The following MUC5AC variants were observed in gnomAD, a reference collection of about 807,000 sequenced individuals.
MUC5AC encodes the protein mucin-5AC.
Under a neutral mutation model 169.7 loss-of-function variants are expected in MUC5AC, and 158 were observed. The ratio of observed to expected loss-of-function variants is 0.93; its 90% CI spans 0.82 to 1.06. MUC5AC has a LOEUF of 1.06. Among genes scored for constraint, MUC5AC ranks in the 50% least tolerant of loss-of-function variants. The pLI, the probability that MUC5AC is intolerant of heterozygous loss-of-function variation, is 0.00. For synonymous variants in MUC5AC, 1,975 were observed against 1,237.0 expected, an observed-to-expected ratio of 1.60 and a Z score of -12.52; for missense variants, 4,359 against 3,089.9, an observed-to-expected ratio of 1.41 and a Z score of -9.74.
chr11:1,162,863 G>T, intron 5 of MUC5AC, 92 bp from the exon 6 acceptor site: 1 of 1,317,668 alleles, frequency 7.6e-7, no homozygotes, highest in South Asian at 1.2e-5. Context: ...TCTTCCGTGG[G>T]CCTCGGCCCC....
intron 30 of MUC5AC, 57 bp from the exon 31 acceptor site, chr11:1,182,098 C>CG (rs1423126647): frequency 1 from 398,367 of 398,500 alleles, 199,117 homozygotes; most frequent in Middle Eastern, 1. Context: ...CAGGGAGGGG[C>CG]GGGCGGCCCC....
rs376249704 is a variant in MUC5AC, at chr11:1,198,316, C to T, written c.16173+11C>T. On this transcript the variant is annotated intron_variant, in intron 43 of 48. Transcript: ENST00000621226. ...GGGACCCTGTACCAGGTAAGAGCCA[C>T]GGAGCTCAGACCCCCTCAGCCATAG... The T allele has an allele frequency of 2.0e-5, 15 of 746,296 alleles. No homozygotes were observed. The highest frequency in any genetic ancestry group is 1.0e-4 in the African/African-American group (6 of 58,678). 46.2% of individuals were successfully genotyped at this position (746,296 alleles called of 1,614,324 possible). A position where few individuals can be genotyped will look rare whatever the true frequency, so the allele number is the denominator to read the frequency against.
Position 1,198,860 on chromosome 11 carries a change from C to T in MUC5AC, c.16174-14C>T. ...CCCAAGCTCATGAGTGTCTGCTGCC[C>T]TGGCTCTCCCCAGCCCGGCGCCGTG... On this transcript the variant is annotated splice_polypyrimidine_tract_variant and intron_variant, in intron 43 of 48. Coordinates refer to ENST00000621226, the MANE Select transcript of MUC5AC (RefSeq NM_001304359.2). The T allele has an allele frequency of 1.4e-6, 1 of 726,554 alleles. No individual in the cohort carries two copies. Among genetic ancestry groups the T allele is most frequent in the Non-Finnish European group, 2.5e-6 (1 of 399,240 alleles). 45.0% of individuals were successfully genotyped at this position (726,554 alleles called of 1,614,324 possible). A position where few individuals can be genotyped will look rare whatever the true frequency, so the allele number is the denominator to read the frequency against.
rs1860680486 is a variant in MUC5AC, at chr11:1,176,146, C to T, written c.2402-5C>T. On this transcript the variant is annotated splice_region_variant and splice_polypyrimidine_tract_variant and intron_variant, in intron 19 of 48. Coordinates refer to ENST00000621226, the MANE Select transcript of MUC5AC (RefSeq NM_001304359.2). ...CTGGCCCCCTGACGGCCCCTCCCTC[C>T]CCAGTGTGTGCTGCGCCCATGGTGT... is the stretch of plus-strand genomic sequence containing the variant. The T allele has an allele frequency of 5.5e-5, 22 of 398,716 alleles. No individual in the cohort carries two copies. The South Asian group carries it at 2.5e-3, about 46-fold the overall frequency. The allele number at this position is 398,716 out of a possible 1,614,324, so 24.7% of individuals were successfully genotyped here. A position where few individuals can be genotyped will look rare whatever the true frequency, so the allele number is the denominator to read the frequency against.
chr11:1,192,145 G>A lies in MUC5AC; in HGVS notation c.14000G>A (p.Arg4667Gln), dbSNP rs1322903006. Reference sequence around the variant, plus strand: ...AGGAGTGGGGAAAAAATCTGCCGCCGACCTGAGGAGATCACCAGGCTCCAG... The same window carrying A: ...AGGAGTGGGGAAAAAATCTGCCGCCAACCTGAGGAGATCACCAGGCTCCAG... ...IIRSGEKICR[R>Q]PEEITRLQCR... Residue 4667 changes from arginine (R) to glutamine (Q), a missense_variant, in exon 31 of 49, where the codon CGA becomes CAA. Arg to Gln is a conservative substitution (Grantham distance 43). Transcript: ENST00000621226. 9.2e-6 allele frequency: 7 copies of A among 764,976 alleles called. No homozygotes were observed. Among genetic ancestry groups the A allele is most frequent in the East Asian group, 7.3e-5 (3 of 41,266 alleles). 47.4% of individuals were successfully genotyped at this position (764,976 alleles called of 1,614,324 possible).
rs775015439 is a variant in MUC5AC at position 1,191,874 on chromosome 11, A to G, written c.13729A>G (p.Thr4577Ala). 4 of 762,956 alleles carry G rather than the reference A, an allele frequency of 5.2e-6. No individual in the cohort carries two copies. Among genetic ancestry groups the G allele is most frequent in the East Asian group, 2.4e-5 (1 of 41,176 alleles). 47.3% of individuals were successfully genotyped at this position (762,956 alleles called of 1,614,324 possible). Residue 4577 changes from threonine to alanine, a missense_variant, in exon 31 of 49, where the codon ACA becomes GCA. By Grantham distance (58) the Thr-to-Ala change is moderately conservative. Coordinates refer to ENST00000621226, the MANE Select transcript of MUC5AC (RefSeq NM_001304359.2). Reference sequence around the variant, plus strand: ...TCCCAGCCCTGTTCCCACCACCAGCACAACCTCTGCTCCTACAACCAGCAC... The same window carrying G: ...TCCCAGCCCTGTTCCCACCACCAGCGCAACCTCTGCTCCTACAACCAGCAC... ...TTPSPVPTTS[T>A]TSAPTTSTTS...
chr11:1,190,800 T>G lies in MUC5AC; in HGVS notation c.12655T>G (p.Ser4219Ala). The G allele has an allele frequency of 1.4e-6, 1 of 722,832 alleles. No individual in the cohort carries two copies. Among genetic ancestry groups the G allele is most frequent in the South Asian group, 1.4e-5 (1 of 69,026 alleles). 44.8% of individuals were successfully genotyped at this position (722,832 alleles called of 1,614,324 possible). The change falls in exon 31 of 49, where the codon TCC (serine) becomes GCC (alanine). Residue 4219 changes from serine (S) to alanine (A), a missense_variant. Transcript: ENST00000621226. ...KTSAATSSTTSGSGTTPSPVP... is the reference protein window; with the variant it reads ...KTSAATSSTTAGSGTTPSPVP... ...CTCAGCTGCTACAAGCAGCACAACC[T>G]CCGGTTCTGGAACTACTCCAAGCCC...
rs1408065220 is a variant in MUC5AC, at chr11:1,188,869, C to T, written c.10724C>T (p.Pro3575Leu). Reference sequence around the variant, plus strand: ...CTCCAGTGCCGAGCCAAGAGCCACCCGGAGGTGAGCATCGAACACCTGGGC... The same window carrying T: ...CTCCAGTGCCGAGCCAAGAGCCACCTGGAGGTGAGCATCGAACACCTGGGC... ...TRLQCRAKSHPEVSIEHLGQV... is the reference protein window; with the variant it reads ...TRLQCRAKSHLEVSIEHLGQV... Residue 3575 changes from proline to leucine, a missense_variant, in exon 31 of 49, where the codon CCG (proline) becomes CTG (leucine). Coordinates refer to ENST00000621226, the MANE Select transcript of MUC5AC (RefSeq NM_001304359.2). The T allele has an allele frequency of 6.3e-5, 48 of 763,536 alleles. No individual in the cohort carries two copies. The highest frequency in any genetic ancestry group is 8.5e-5 in the Admixed American group (5 of 58,938). 47.3% of individuals were successfully genotyped at this position (763,536 alleles called of 1,614,324 possible).
At position 1,197,563 on chromosome 11, in the gene MUC5AC, T is replaced by C; in HGVS notation, c.15957T>C (p.Pro5319=). The change falls in exon 41 of 49, where the codon CCT becomes CCC. Residue 5319 remains proline, a synonymous_variant. Coordinates refer to ENST00000621226, the MANE Select transcript of MUC5AC (RefSeq NM_001304359.2). ...GACCCAAGCTCTGCCCGCTGCCCCC[T>C]GCCTGCCCCCTGCCCGGCTTCGTGC... ...TCRPKLCPLP[P]ACPLPGFVPV... 1 of 716,960 alleles carries C rather than the reference T, an allele frequency of 1.4e-6. No homozygotes were observed. Among genetic ancestry groups the C allele is most frequent in the Non-Finnish European group, 2.5e-6 (1 of 394,410 alleles). 44.4% of individuals were successfully genotyped at this position (716,960 alleles called of 1,614,324 possible).
intron 40 of MUC5AC, 32 bp from the exon 41 acceptor site, chr11:1,197,436 C>G (rs766192789): frequency 2.9e-6 from 2 of 699,680 alleles, no homozygotes; most frequent in Non-Finnish European, 2.6e-6. Context: ...GGAGCCGCTG[C>G]GGACGCTGGA....
At position 1,199,761 on chromosome 11, in the gene MUC5AC, A is replaced by G; in HGVS notation, c.16582A>G (p.Asn5528Asp). 1.4e-6 allele frequency: 1 copy of G among 716,032 alleles called. No individual in the cohort carries two copies. Among genetic ancestry groups the G allele is most frequent in the Non-Finnish European group, 2.5e-6 (1 of 392,912 alleles). The allele number at this position is 716,032 out of a possible 1,614,324, so 44.4% of individuals were successfully genotyped here. A position where few individuals can be genotyped will look rare whatever the true frequency, so the allele number is the denominator to read the frequency against. The change falls in exon 47 of 49, where the codon AAC (asparagine) becomes GAC (aspartate). Residue 5528 changes from asparagine (N) to aspartate (D), a missense_variant. Physicochemically the swap from Asn to Asp is conservative, Grantham distance 23. Coordinates refer to ENST00000621226, the MANE Select transcript of MUC5AC (RefSeq NM_001304359.2). The part of the protein sequence containing the change: ...FCPPPPPPYQ[N>D]QSTCAVYHRS... Reference sequence around the variant, plus strand: ...CCCGCCGCCCCCGCCCCCGTACCAGAACCGTGAGTACCCAGCCTGCTGGGC... The same window carrying G: ...CCCGCCGCCCCCGCCCCCGTACCAGGACCGTGAGTACCCAGCCTGCTGGGC...
At chr11:1,198,845 T>C (rs766140336) in intron 43 of MUC5AC, 29 bp from the exon 44 acceptor site, 3 of 711,630 alleles carry the variant, frequency 4.2e-6, no homozygotes, top group Non-Finnish European at 7.7e-6. Flanking sequence ...CCCAAGCTCA[T>C]GAGTGTCTGC....
chr11:1,187,867 C>T lies in MUC5AC; in HGVS notation c.9722C>T (p.Pro3241Leu). ...GACATAGACTTCCCATCCCCTGGAC[C>T]CCACGGCGGGGACAAGGAAACCTAC... ...WFDIDFPSPG[P>L]HGGDKETYNN... is the part of the protein sequence containing the mutation. The change falls in exon 31 of 49, where the codon CCC becomes CTC. Residue 3241 changes from proline to leucine, a missense_variant. Physicochemically the swap from Pro to Leu is moderately conservative, Grantham distance 98. Coordinates refer to ENST00000621226, the MANE Select transcript of MUC5AC (RefSeq NM_001304359.2). 1.3e-6 allele frequency: 1 copy of T among 763,132 alleles called. No homozygotes were observed. The allele number at this position is 763,132 out of a possible 1,614,324, so 47.3% of individuals were successfully genotyped here.
chr11:1,194,875 G>T lies in MUC5AC; in HGVS notation c.15191-137G>T, dbSNP rs1329101237. The T allele has an allele frequency of 6.5e-6, 4 of 618,324 alleles. No homozygotes were observed. The East Asian group carries it at 1.1e-4, about 17-fold the overall frequency. 38.3% of individuals were successfully genotyped at this position (618,324 alleles called of 1,614,324 possible). A position where few individuals can be genotyped will look rare whatever the true frequency, so the allele number is the denominator to read the frequency against. ...GGACTGTCCCAGGGTTGTTCTCGGG[G>T]GACAGTGAGGCACAGGCAGGGCCCG... On this transcript the variant is annotated intron_variant, in intron 35 of 48. Transcript: ENST00000621226.
intron 1 of MUC5AC, among the ~76,000 whole-genome samples, chr11:1,160,213 C>G (rs961393453): frequency 1.3e-5 from 2 of 152,140 alleles, no homozygotes; most frequent in African/African-American, 2.4e-5. Context: ...GGGGCCGACC[C>G]CTCCCATGCC....
In MUC5AC at chr11:1,164,480, G is replaced by C; in HGVS notation, c.1077G>C (p.Glu359Asp). 6.2e-7 allele frequency: 1 copy of C among 1,611,872 alleles called. No individual in the cohort carries two copies. Among genetic ancestry groups the C allele is most frequent in the Non-Finnish European group, 8.5e-7 (1 of 1,179,560 alleles). The stretch of plus-strand genomic sequence containing the variant: ...GCGCAGACACCTGCTCCAACCAGGA[G>C]CACTCCCGGGCCTGTGAGGACCACT... The part of the protein sequence containing the change: ...SPCADTCSNQ[E>D]HSRACEDHCV... The change falls in exon 9 of 49, where the codon GAG becomes GAC. Residue 359 changes from glutamate to aspartate, a missense_variant. Glu to Asp is a conservative substitution (Grantham distance 45, BLOSUM62 2). Transcript: ENST00000621226.
rs996386608 is a variant in MUC5AC at position 1,192,704 on chromosome 11, C to G, written c.14381-79C>G. The G allele has an allele frequency of 3.8e-5, 26 of 691,840 alleles. No homozygotes were observed. In the Admixed American group the frequency reaches 5.0e-4, roughly 13 times the overall value. The allele number at this position is 691,840 out of a possible 1,614,324, so 42.9% of individuals were successfully genotyped here. A position where few individuals can be genotyped will look rare whatever the true frequency, so the allele number is the denominator to read the frequency against. Reference sequence around the variant, plus strand: ...CCCATTACACAGGTGGTAGAAAGTGCCCCTCTGGCTCTGGGAGTTTTTTGC... The same window carrying G: ...CCCATTACACAGGTGGTAGAAAGTGGCCCTCTGGCTCTGGGAGTTTTTTGC... On this transcript the variant is annotated intron_variant, in intron 31 of 48. Transcript: ENST00000621226.
intron 19 of MUC5AC, among the ~76,000 whole-genome samples, chr11:1,175,527 T>C (rs1447188931): frequency 1.5e-5 from 2 of 131,934 alleles, no homozygotes; most frequent in African/African-American, 2.9e-5. Flanking sequence ...ACACGCCCAC[T>C]CATGCACACA....
At position 1,189,124 on chromosome 11, in the gene MUC5AC, T is replaced by C; in HGVS notation, c.10979T>C (p.Val3660Ala). 1 of 590,882 alleles carries C rather than the reference T, an allele frequency of 1.7e-6. No individual in the cohort carries two copies. Among genetic ancestry groups the C allele is most frequent in the Non-Finnish European group, 3.0e-6 (1 of 331,648 alleles). 36.6% of individuals were successfully genotyped at this position (590,882 alleles called of 1,614,324 possible). A position where few individuals can be genotyped will look rare whatever the true frequency, so the allele number is the denominator to read the frequency against. The change falls in exon 31 of 49, where the codon GTG (valine) becomes GCG (alanine). Residue 3660 changes from valine (V) to alanine (A), a missense_variant. By Grantham distance (64) the Val-to-Ala change is moderately conservative (BLOSUM62 0). Transcript: ENST00000621226. Reference sequence around the variant, plus strand: ...CAGAAATCCAGGACAACCACTTTGGTGACAAGCAGCATAACCTCCACTACA... The same window carrying C: ...CAGAAATCCAGGACAACCACTTTGGCGACAAGCAGCATAACCTCCACTACA... ...SWQKSRTTTL[V>A]TSSITSTTQT... is the part of the protein sequence containing the mutation.
Sources: gnomAD v4.1 joint callset for allele counts (sites outside exome capture counted in the v4.1 genomes callset) on GRCh38, gnomAD v4.1.1 for gene constraint, MANE v1.5 for transcripts, NCBI Gene and HGNC (gene_info 2026-07-23, HGNC 2026-07-21) for gene names.